The following TNIK variants were observed in gnomAD, a reference collection of about 807,000 sequenced individuals.
TNIK encodes TRAF2 and NCK interacting kinase.
A neutral mutation model predicts 191.3 loss-of-function variants in TNIK; 49 were observed. The observed-to-expected ratio is 0.26, with a 90% CI of 0.20 to 0.32. The LOEUF is 0.32. Among genes scored for constraint, TNIK ranks in the 10% least tolerant of loss-of-function variants. The pLI, the probability that TNIK is intolerant of heterozygous loss-of-function variation, is 1.00. For synonymous variants in TNIK, 594 were observed against 600.9 expected (o/e 0.99, Z 0.17); for missense variants, 1,155 against 1,702.3 (o/e 0.68, Z 5.66).
intron 2 of TNIK, among the ~76,000 whole-genome samples, chr3:171,303,413 C>T (rs1026406444): frequency 2.6e-5 from 4 of 152,142 alleles, no homozygotes; most frequent in Non-Finnish European, 5.9e-5. Context: ...TTTTGAAACA[C>T]ATATTTCAGG....
intron 4 of TNIK, among the ~76,000 whole-genome samples, chr3:171,205,320 T>C (rs1281297961): frequency 6.6e-6 from 1 of 152,196 alleles, no homozygotes; most frequent in Non-Finnish European, 1.5e-5. Context: ...GCTTTTATCT[T>C]CATCTTTGGT....
At chr3:171,319,600 A>C (rs2108327707) in intron 2 of TNIK, among the ~76,000 whole-genome samples, 1 of 152,328 alleles carries the variant, frequency 6.6e-6, no homozygotes, top group East Asian at 1.9e-4. Flanking sequence ...CTGACCCGAC[A>C]GACAAATTTT....
intron 2 of TNIK, among the ~76,000 whole-genome samples, chr3:171,246,420 T>TA (rs1381538161): frequency 2.0e-5 from 3 of 152,200 alleles, no homozygotes; most frequent in African/African-American, 7.2e-5. Flanking sequence ...TTATTATTAA[T>TA]AGCTAATATC....
At position 171,285,297 on chromosome 3, in the gene TNIK, C is replaced by T. The variant is rs558308023; in HGVS notation, c.124-57076G>A. Among the ~76,000 whole-genome samples the T allele has an allele frequency of 1.9e-3, 289 of 152,320 alleles. 2 individuals are homozygous for T. The highest frequency in any genetic ancestry group is 6.4e-3 in the African/African-American group (267 of 41,566). ...CTACCCAAGACTGGAACAAACACAT[C>T]AGCCACTTAAATTCCTCAGCAATAC... is the stretch of plus-strand genomic sequence containing the variant. On this transcript the variant is annotated intron_variant, in intron 2 of 32. Transcript: ENST00000436636.
chr3:171,273,251 G>A (rs1445051653), intron 2 of TNIK, among the ~76,000 whole-genome samples: 3 of 152,208 alleles, frequency 2.0e-5, no homozygotes, highest in Non-Finnish European at 4.4e-5. Flanking sequence ...CCCACCTGAT[G>A]CCAAGGTGAG....
intron 3 of TNIK, among the ~76,000 whole-genome samples, chr3:171,217,943 G>A (rs1207235836): frequency 6.6e-6 from 1 of 152,132 alleles, no homozygotes; most frequent in South Asian, 2.1e-4. Flanking sequence ...GTAGCATGTG[G>A]TCTACTTTGG....
At chr3:171,235,889 G>C (rs532319913) in intron 2 of TNIK, among the ~76,000 whole-genome samples, 13 of 152,082 alleles carry the variant, frequency 8.5e-5, no homozygotes, top group Non-Finnish European at 1.6e-4. Context: ...ACACAAAAAA[G>C]GTTCTTGATG....
chr3:171,063,638 C>T lies in TNIK; in HGVS notation c.*243G>A, dbSNP rs1380898439. On this transcript the variant is annotated 3_prime_UTR_variant, in exon 33 of 33. Coordinates refer to ENST00000436636, the MANE Select transcript of TNIK (RefSeq NM_015028.4). ...AGGGCACATGGTCCATCTTTGTCCA[C>T]AGACAAGGCAGCATTCTTGGGGATC... 4.7e-6 allele frequency: 2 copies of T among 426,072 alleles called. No homozygotes were observed. 26.4% of individuals were successfully genotyped at this position (426,072 alleles called of 1,614,324 possible). A position where few individuals can be genotyped will look rare whatever the true frequency, so the allele number is the denominator to read the frequency against.
At chr3:171,395,932 AG>A (rs1243912831) in intron 1 of TNIK, among the ~76,000 whole-genome samples, 1 of 152,194 alleles carries the variant, frequency 6.6e-6, no homozygotes, top group African/African-American at 2.4e-5. Flanking sequence ...TTTAAAAAAC[AG>A]GTTTATTAAG....
intron 19 of TNIK, among the ~76,000 whole-genome samples, chr3:171,110,462 A>G (rs1354211375): frequency 6.6e-6 from 1 of 152,186 alleles, no homozygotes; most frequent in Non-Finnish European, 1.5e-5. Context: ...TAAGACTGAT[A>G]TTTGGTGATC....
intron 25 of TNIK, among the ~76,000 whole-genome samples, chr3:171,084,588 C>A (rs1053519435): frequency 6.6e-6 from 1 of 152,122 alleles, no homozygotes; most frequent in African/African-American, 2.4e-5. Flanking sequence ...ATTAAATACA[C>A]CATCCCCACT....
intron 23 of TNIK, among the ~76,000 whole-genome samples, chr3:171,087,721 C>T (rs1020885474): frequency 2.6e-5 from 4 of 152,188 alleles, no homozygotes; most frequent in Non-Finnish European, 5.9e-5. Flanking sequence ...GCCTTACGTT[C>T]CTGCATGAGG....
intron 1 of TNIK, among the ~76,000 whole-genome samples, chr3:171,396,302 G>T (rs144951923): frequency 5.9e-5 from 9 of 152,202 alleles, no homozygotes; most frequent in African/African-American, 1.9e-4. Flanking sequence ...CCTTTTTATG[G>T]CCAAGCAACA....
intron 15 of TNIK, 82 bp downstream of exon 15, chr3:171,138,109 G>T (rs1730295156): frequency 4.5e-6 from 6 of 1,341,436 alleles, no homozygotes; most frequent in Non-Finnish European, 3.9e-6. Context: ...TGCAGCACTG[G>T]GTTAACTCTC....
intron 18 of TNIK, among the ~76,000 whole-genome samples, chr3:171,115,054 A>C (rs968587848): frequency 4.6e-5 from 7 of 152,254 alleles, no homozygotes; most frequent in Non-Finnish European, 1.0e-4. Flanking sequence ...TTGCTCTAAA[A>C]AATGTACTGC....
rs71634497 is a variant in TNIK, at chr3:171,327,900, T to TAAAAAAAAAAAAAA, written c.123+41706_123+41719dup. 2.4e-3 allele frequency among the ~76,000 whole-genome samples: 190 copies of TAAAAAAAAAAAAAA among 79,590 alleles called. 6 individuals are homozygous for TAAAAAAAAAAAAAA. Among genetic ancestry groups the TAAAAAAAAAAAAAA allele is most frequent in the South Asian group, 3.5e-3 (8 of 2,300 alleles). 52.2% of individuals were successfully genotyped at this position (79,590 alleles called of 152,430 possible). ...ATCTGTGGCTCCCAAACCTGGCTCA[T>TAAAAAAAAAAAAAA]AAAAAAAAAAAAAAAAAAAAAAAAA... On this transcript the variant is annotated intron_variant, in intron 2 of 32. Coordinates refer to ENST00000436636, the MANE Select transcript of TNIK (RefSeq NM_015028.4).
chr3:171,130,461 T>C (rs1729094240), intron 15 of TNIK, among the ~76,000 whole-genome samples: 2 of 152,194 alleles, frequency 1.3e-5, no homozygotes. Context: ...GCCAGGAATA[T>C]AAACCAGAAC....
intron 1 of TNIK, among the ~76,000 whole-genome samples, chr3:171,444,776 C>T (rs541772531): frequency 6.6e-6 from 1 of 152,252 alleles, no homozygotes; most frequent in South Asian, 2.1e-4. Flanking sequence ...AGGTCATATG[C>T]CTTATGAAAA....
chr3:171,412,395 G>A (rs995100790), intron 1 of TNIK, among the ~76,000 whole-genome samples: 1 of 152,166 alleles, frequency 6.6e-6, no homozygotes, highest in Non-Finnish European at 1.5e-5. Flanking sequence ...TTTCAAAGAT[G>A]TTCCTCCTTT....
Sources: allele counts gnomAD v4.1 joint callset (sites outside exome capture counted in the v4.1 genomes callset), GRCh38; gene constraint gnomAD v4.1.1; transcripts MANE v1.5; gene names NCBI Gene and HGNC (gene_info 2026-07-23, HGNC 2026-07-21).